IL4I1: variants seen among roughly 807,000 people sequenced by gnomAD.
IL4I1 encodes the protein interleukin 4 induced 1.
In IL4I1, 24 loss-of-function variants were observed where a neutral mutation model predicts 29.7. The ratio of observed to expected loss-of-function variants is 0.81; its 90% CI spans 0.59 to 1.14. IL4I1 has a LOEUF of 1.14. Ranked by LOEUF, IL4I1 falls within the 50% of genes most tolerant of loss-of-function variation. The pLI is 0.00. For missense variants in IL4I1, 686 were observed against 785.6 expected (o/e 0.87, Z 1.52); for synonymous variants, 371 against 352.5 (o/e 1.05, Z -0.59).
In IL4I1 at chr19:49,890,940, C is replaced by G. The variant is rs917334159; in HGVS notation, c.773+31G>C. On this transcript the variant is annotated intron_variant, in intron 7 of 7. Transcript: ENST00000391826. Reference sequence around the variant, plus strand: ...TACTTTCCCTGATTGCCCCCCGCCCCCCCCCCCTGCCCGCCAGCCCCGCCC... The same window carrying G: ...TACTTTCCCTGATTGCCCCCCGCCCGCCCCCCCTGCCCGCCAGCCCCGCCC... 4.8e-5 allele frequency: 22 copies of G among 454,576 alleles called. 3 individuals carry two copies. The highest frequency in any genetic ancestry group is 6.8e-5 in the Non-Finnish European group (19 of 279,100). The allele number at this position is 454,576 out of a possible 1,614,324, so 28.2% of individuals were successfully genotyped here. A position where few individuals can be genotyped will look rare whatever the true frequency, so the allele number is the denominator to read the frequency against.
intron 2 of IL4I1, among the ~76,000 whole-genome samples, chr19:49,925,420 C>G (rs2075862381): frequency 1.4e-5 from 2 of 148,122 alleles, no homozygotes; most frequent in Non-Finnish European, 1.5e-5. Context: ...CATAGTAAGA[C>G]CCTCCCCCCC....
intron 2 of IL4I1, among the ~76,000 whole-genome samples, chr19:49,926,646 C>A (rs537304945): frequency 1.5e-3 from 224 of 152,310 alleles, no homozygotes; most frequent in Non-Finnish European, 2.2e-3. Context: ...TGCGTCCTTA[C>A]CACTGGCAGT....
chr19:49,914,726 G>GTTTTTTTTTTTTTTTTTTTTTTTTT (rs530372497), intron 2 of IL4I1, among the ~76,000 whole-genome samples: 1 of 56,362 alleles, frequency 1.8e-5, no homozygotes, highest in Non-Finnish European at 3.2e-5. Context: ...CCAAGTCCCA[G>GTTTTTTTTTTTTTTTTTTTTTTTTT]TTTTTTTTTT....
chr19:49,890,929 GCCCC>G, intron 7 of IL4I1, 38 bp downstream of exon 7: 2 of 454,452 alleles, frequency 4.4e-6, no homozygotes, highest in Non-Finnish European at 7.1e-6. Flanking sequence ...TTCCCTGATT[GCCCC>G]CCGCCCCCCC....
rs564852163 is a variant in IL4I1, at chr19:49,908,949, T to C, written c.-227-4628A>G. On this transcript the variant is annotated intron_variant, in intron 2 of 9. Coordinates refer to the IL4I1 transcript ENST00000341114. Reference sequence around the variant, plus strand: ...TTTAAATTCAAGGCAAAGCCGGTGGTGCTGCTGCTGCTGGTGGTGGTGGCG... The same window carrying C: ...TTTAAATTCAAGGCAAAGCCGGTGGCGCTGCTGCTGCTGGTGGTGGTGGCG... The C allele has an allele frequency of 4.6e-5, 72 of 1,563,088 alleles. No homozygotes were observed. The highest frequency in any genetic ancestry group is 5.8e-5 in the Non-Finnish European group (66 of 1,145,542).
At chr19:49,899,815 A>G (rs771496943), upstream of IL4I1, among the ~76,000 whole-genome samples, 1 of 152,206 alleles carries the variant, frequency 6.6e-6, no homozygotes, top group African/African-American at 2.4e-5. Flanking sequence ...TCGGCCTCCC[A>G]AAGTCCTGGG....
At chr19:49,912,331 G>A (rs554733154) in intron 2 of IL4I1, among the ~76,000 whole-genome samples, 97 of 152,076 alleles carry the variant, frequency 6.4e-4, no homozygotes, top group Non-Finnish European at 1.3e-3. Flanking sequence ...ACCACGCCCG[G>A]CTAATTTTTG....
intron 7 of IL4I1, 130 bp from the exon 8 acceptor site, chr19:49,890,730 C>G: frequency 1.1e-6 from 1 of 915,094 alleles, no homozygotes; most frequent in South Asian, 1.8e-5. Context: ...CCACCTCTCC[C>G]GACCCCGCCC....
At chr19:49,897,397 G>T (rs1347601218), upstream of IL4I1, among the ~76,000 whole-genome samples, 1 of 152,040 alleles carries the variant, frequency 6.6e-6, no homozygotes, top group Non-Finnish European at 1.5e-5. Flanking sequence ...AGTGGGGCTG[G>T]CAGCCGTGGT....
At chr19:49,926,517 A>T (rs1434328852) in intron 2 of IL4I1, among the ~76,000 whole-genome samples, 1 of 149,790 alleles carries the variant, frequency 6.7e-6, no homozygotes, top group East Asian at 2.0e-4. Context: ...GCGACACAGC[A>T]AGACTCTGTC....
chr19:49,913,756 C>T (rs963337722), intron 2 of IL4I1, among the ~76,000 whole-genome samples: 1 of 152,188 alleles, frequency 6.6e-6, no homozygotes, highest in African/African-American at 2.4e-5. Context: ...TGAGTCTTAG[C>T]TCATCACTGA....
intron 2 of IL4I1, chr19:49,907,681 G>A (rs2075354851): frequency 5.5e-6 from 2 of 361,872 alleles, no homozygotes; most frequent in South Asian, 2.1e-5. Context: ...TGAGATCACA[G>A]GCGTCCACCA....
rs1377645423 is a variant in IL4I1, at chr19:49,890,069, C to T, written c.1305G>A (p.Trp435Ter). The T allele has an allele frequency of 1.3e-6, 2 of 1,549,010 alleles. No individual in the cohort carries two copies. The highest frequency in any genetic ancestry group is 1.7e-6 in the Non-Finnish European group (2 of 1,147,026). The stretch of plus-strand genomic sequence containing the variant: ...AACGCTTGACGACGCCGGTGCCGTC[C>T]CAGAGCTGGCGCACGACAGGCCCGT... ...ALHGPVVRQL[W>*]DGTGVVKRWA... Residue 435 changes from tryptophan to a stop codon, truncating the protein, a stop_gained, in exon 8 of 8, where the codon TGG becomes TGA. Coordinates refer to ENST00000391826, the MANE Select transcript of IL4I1 (RefSeq NM_152899.2). LOFTEE classifies it low-confidence loss of function (END_TRUNC).
At chr19:49,900,815 G>C (rs978523546), upstream of IL4I1, among the ~76,000 whole-genome samples, 1 of 152,180 alleles carries the variant, frequency 6.6e-6, no homozygotes, top group Non-Finnish European at 1.5e-5. Flanking sequence ...TGGAAAATAA[G>C]GTTAATCCTC....
At chr19:49,926,071 T>A (rs538398592) in intron 2 of IL4I1, among the ~76,000 whole-genome samples, 24 of 151,588 alleles carry the variant, frequency 1.6e-4, no homozygotes, top group African/African-American at 4.8e-4. Flanking sequence ...TAGCCAGGCA[T>A]GATGGTGCAT....
Position 49,895,965 on chromosome 19 carries a change from C to A in IL4I1, c.102G>T (p.Glu34Asp). 1 of 1,614,164 alleles carries A rather than the reference C, an allele frequency of 6.2e-7. No individual in the cohort carries two copies. Among genetic ancestry groups the A allele is most frequent in the African/African-American group, 1.3e-5 (1 of 75,026 alleles). ...CATAGTCAGGATCCTGCATGCATTT[C>A]TCGAAGGGGTCTTGGCTGCGTTCAG... ...WKAERSQDPF[E>D]KCMQDPDYEQ... The change falls in exon 3 of 8, where the codon GAG becomes GAT. Residue 34 changes from glutamate (E) to aspartate (D), a missense_variant. Coordinates refer to ENST00000391826, the MANE Select transcript of IL4I1 (RefSeq NM_152899.2).
In IL4I1 at chr19:49,890,061, G is replaced by A. The variant is rs1323927702; in HGVS notation, c.1313C>T (p.Thr438Ile). 1.3e-6 allele frequency: 2 copies of A among 1,549,778 alleles called. No individual in the cohort carries two copies. Among genetic ancestry groups the A allele is most frequent in the Non-Finnish European group, 8.7e-7 (1 of 1,147,158 alleles). The change falls in exon 8 of 8, where the codon ACC (threonine) becomes ATC (isoleucine). Residue 438 changes from threonine to isoleucine, a missense_variant. By Grantham distance (89) the Thr-to-Ile change is moderately conservative. Coordinates refer to ENST00000391826, the MANE Select transcript of IL4I1 (RefSeq NM_152899.2). ...GPVVRQLWDG[T>I]GVVKRWAEDQ... Reference sequence around the variant, plus strand: ...CTCCGCCCAACGCTTGACGACGCCGGTGCCGTCCCAGAGCTGGCGCACGAC... The same window carrying A: ...CTCCGCCCAACGCTTGACGACGCCGATGCCGTCCCAGAGCTGGCGCACGAC...
rs45540835 is a variant in IL4I1 at position 49,908,185 on chromosome 19, C to T, written c.-227-3864G>A. On this transcript the variant is annotated intron_variant, in intron 2 of 9. Transcript: ENST00000341114. ...CAACCCCAAACTACAGACAACAGGGCGCATTCCCCTCATGAACTCCCTAGG... is the reference window on the plus strand; with the variant it reads ...CAACCCCAAACTACAGACAACAGGGTGCATTCCCCTCATGAACTCCCTAGG... 2.7e-3 allele frequency: 4,337 copies of T among 1,597,394 alleles called. 9 individuals carry two copies. The highest frequency in any genetic ancestry group is 3.4e-3 in the Non-Finnish European group (3,975 of 1,175,372).
At chr19:49,912,316 A>G (rs931921822) in intron 2 of IL4I1, among the ~76,000 whole-genome samples, 4 of 151,974 alleles carry the variant, frequency 2.6e-5, no homozygotes, top group Admixed American at 2.6e-4. Context: ...TTACAGGCGC[A>G]TGCCACCACG....
Sources: allele counts gnomAD v4.1 joint callset (sites outside exome capture counted in the v4.1 genomes callset), GRCh38; gene constraint gnomAD v4.1.1; transcripts MANE v1.5; gene names NCBI Gene and HGNC (gene_info 2026-07-23, HGNC 2026-07-21).